LEF1: variants seen among roughly 807,000 people sequenced by gnomAD.
LEF1 encodes lymphoid enhancer-binding factor 1.
Under a neutral mutation model 51.2 loss-of-function variants are expected in LEF1, and 14 were observed. The observed-to-expected ratio is 0.27, with a 90% CI of 0.18 to 0.43. The LOEUF (loss-of-function observed/expected upper bound fraction) is 0.43, where lower values mean the gene tolerates loss of function less well. Among genes scored for constraint, LEF1 ranks in the 20% least tolerant of loss-of-function variants. LEF1 has a pLI of 1.00. For missense variants in LEF1, 386 were observed against 512.0 expected, an observed-to-expected ratio of 0.75 and a Z score of 2.37; for synonymous variants, 185 against 183.2, an observed-to-expected ratio of 1.01 and a Z score of -0.08.
chr4:108,066,652 A>G (rs1405310064), intron 9 of LEF1, among the ~76,000 whole-genome samples: 1 of 152,252 alleles, frequency 6.6e-6, no homozygotes, highest in Non-Finnish European at 1.5e-5. Flanking sequence ...CAGTTCTTCA[A>G]GAGAATCTAC....
Position 108,064,327 on chromosome 4 carries a change from G to T in LEF1, c.1165+9C>A. ...CTGAGGATTGACTGGAAAGTCTCAT[G>T]GTGCCTACCTGATGCAGATTCCTGT... On this transcript the variant is annotated intron_variant, in intron 10 of 11. Transcript: ENST00000265165. 1.2e-6 allele frequency: 2 copies of T among 1,606,718 alleles called. No homozygotes were observed. The highest frequency in any genetic ancestry group is 1.7e-6 in the Non-Finnish European group (2 of 1,173,534).
At chr4:108,150,985 A>G (rs1744326801) in intron 3 of LEF1, among the ~76,000 whole-genome samples, 1 of 152,196 alleles carries the variant, frequency 6.6e-6, no homozygotes, top group African/African-American at 2.4e-5. Flanking sequence ...TTTGTGAGGC[A>G]TTGTTGACTT....
intron 3 of LEF1, 48 bp downstream of exon 3, chr4:108,163,520 T>A (rs779898075): frequency 1.9e-6 from 3 of 1,587,170 alleles, no homozygotes; most frequent in Non-Finnish European, 2.6e-6. Flanking sequence ...AAAATACAAA[T>A]CAATTTGCAC....
intron 11 of LEF1, among the ~76,000 whole-genome samples, chr4:108,053,466 G>A (rs1353070346): frequency 6.6e-6 from 1 of 152,180 alleles, no homozygotes; most frequent in Non-Finnish European, 1.5e-5. Context: ...GCTGGAGGTG[G>A]GAGGAAAGGG....
chr4:108,101,194 G>A (rs1043486260), intron 3 of LEF1, among the ~76,000 whole-genome samples: 1 of 152,118 alleles, frequency 6.6e-6, no homozygotes, highest in Non-Finnish European at 1.5e-5. Flanking sequence ...AATGTAAAAC[G>A]TTTGATGTGA....
At chr4:108,079,412 A>G in intron 7 of LEF1, 80 bp downstream of exon 7, 1 of 1,481,062 alleles carries the variant, frequency 6.8e-7, no homozygotes, top group Admixed American at 1.7e-5. Flanking sequence ...GGGGTGAAGG[A>G]TCACTGTTGC....
At chr4:108,131,473 C>G (rs767705072) in intron 3 of LEF1, among the ~76,000 whole-genome samples, 1 of 151,846 alleles carries the variant, frequency 6.6e-6, no homozygotes, top group South Asian at 2.1e-4. Flanking sequence ...AAGACCACCA[C>G]AAAAACACAC....
rs1034334315 is a variant in LEF1, at chr4:108,168,633, T to A, written c.-866A>T. Reference sequence around the variant, plus strand: ...TCACAGCGGGGGCCTCGGGCCCAAATGCCTCTGCCCGGAGCTCGAGCCGAC... The same window carrying A: ...TCACAGCGGGGGCCTCGGGCCCAAAAGCCTCTGCCCGGAGCTCGAGCCGAC... On this transcript the variant is annotated 5_prime_UTR_variant, in exon 1 of 12. Transcript: ENST00000265165. This position sits in a 1 kb window ranked among gnomAD's most constrained non-coding sequence, Gnocchi z 4.6. 2.6e-5 allele frequency: 4 copies of A among 152,208 alleles called. No individual in the cohort carries two copies. The highest frequency in any genetic ancestry group is 1.3e-4 in the Admixed American group (2 of 15,274). 9.4% of individuals were successfully genotyped at this position (152,208 alleles called of 1,614,324 possible). A position where few individuals can be genotyped will look rare whatever the true frequency, so the allele number is the denominator to read the frequency against.
intron 11 of LEF1, among the ~76,000 whole-genome samples, chr4:108,055,406 A>C (rs1239286374): frequency 6.6e-6 from 1 of 152,184 alleles, no homozygotes. Context: ...ATTCAAATCA[A>C]TTTCAATGTA....
At chr4:108,145,072 A>G (rs1277323184) in intron 3 of LEF1, among the ~76,000 whole-genome samples, 1 of 152,182 alleles carries the variant, frequency 6.6e-6, no homozygotes, top group African/African-American at 2.4e-5. Context: ...AAGAATACAT[A>G]GCATTATCCA....
intron 3 of LEF1, among the ~76,000 whole-genome samples, chr4:108,130,732 A>AG (rs1742825243): frequency 1.3e-5 from 2 of 151,106 alleles, no homozygotes; most frequent in Admixed American, 1.3e-4. Flanking sequence ...TCCGACTCAA[A>AG]AAAAAAAAAA....
chr4:108,158,343 T>C (rs1744857252), intron 3 of LEF1, among the ~76,000 whole-genome samples: 1 of 152,024 alleles, frequency 6.6e-6, no homozygotes, highest in Non-Finnish European at 1.5e-5. Flanking sequence ...TTCCTACAGA[T>C]TGGCTCAGCT....
intron 3 of LEF1, among the ~76,000 whole-genome samples, chr4:108,152,416 T>C (rs1022192966): frequency 2.0e-5 from 3 of 152,164 alleles, no homozygotes; most frequent in Non-Finnish European, 2.9e-5. Context: ...AAATGTGATT[T>C]AATCCCACAG....
At chr4:108,151,219 C>G (rs1456940069) in intron 3 of LEF1, among the ~76,000 whole-genome samples, 1 of 152,196 alleles carries the variant, frequency 6.6e-6, no homozygotes, top group Non-Finnish European at 1.5e-5. Context: ...TTACACAACT[C>G]TTTCCCTCCT....
At chr4:108,150,011 T>C (rs532728729) in intron 3 of LEF1, among the ~76,000 whole-genome samples, 12 of 152,030 alleles carry the variant, frequency 7.9e-5, no homozygotes, top group African/African-American at 2.6e-4. Context: ...CTGTTCCTAA[T>C]GTCTCCTTAG....
At chr4:108,064,873 T>C (rs1737966329) in intron 9 of LEF1, among the ~76,000 whole-genome samples, 1 of 152,136 alleles carries the variant, frequency 6.6e-6, no homozygotes, top group African/African-American at 2.4e-5. Context: ...TGGTAGTGCT[T>C]AAGATAAACC....
At chr4:108,100,912 A>C (rs896257541) in intron 3 of LEF1, among the ~76,000 whole-genome samples, 1 of 152,184 alleles carries the variant, frequency 6.6e-6, no homozygotes, top group African/African-American at 2.4e-5. Context: ...TCTGTCTGAA[A>C]CTATTTCAGA....
chr4:108,057,568 C>G (rs143849081), intron 11 of LEF1, among the ~76,000 whole-genome samples: 1 of 152,274 alleles, frequency 6.6e-6, no homozygotes, highest in African/African-American at 2.4e-5. Flanking sequence ...GGCAGACCCT[C>G]AGGGTTGCAG....
chr4:108,075,502 C>G (rs1016674825), intron 8 of LEF1: 2 of 152,156 alleles, frequency 1.3e-5, no homozygotes, highest in African/African-American at 4.8e-5. Flanking sequence ...AAAACAAACA[C>G]AGGGTCACAA....
Sources: gnomAD v4.1 joint callset for allele counts (sites outside exome capture counted in the v4.1 genomes callset) on GRCh38, gnomAD v4.1.1 for gene constraint, Gnocchi (gnomAD v3.1) non-coding constraint, MANE v1.5 for transcripts, NCBI Gene and HGNC (gene_info 2026-07-23, HGNC 2026-07-21) for gene names.